The following PMFBP1 variants were observed in gnomAD, a reference collection of about 807,000 sequenced individuals.
PMFBP1 encodes the protein polyamine-modulated factor 1-binding protein 1.
PMFBP1 carries 131 observed loss-of-function variants against 137.8 expected under a neutral mutation model. The observed-to-expected ratio is 0.95, with a 90% CI of 0.82 to 1.10. PMFBP1 has a LOEUF of 1.10. Among genes scored for constraint, PMFBP1 ranks in the 50% least tolerant of loss-of-function variants. The pLI is 0.00. For synonymous variants in PMFBP1, 490 were observed against 450.4 expected (o/e 1.09, Z -1.11); for missense variants, 1,199 against 1,175.4 (o/e 1.02, Z -0.29).
intron 14 of PMFBP1, chr16:72,128,252 C>T: frequency 1.5e-6 from 1 of 657,958 alleles, no homozygotes; most frequent in Non-Finnish European, 2.2e-6. Context: ...CTATTTACTC[C>T]TTTCTGTCAT....
chr16:72,245,802 C>T, the PMFBP1 span, among the ~76,000 whole-genome samples: 4 of 152,114 alleles, frequency 2.6e-5, no homozygotes, highest in South Asian at 8.3e-4. Context: ...CTCTCCTTCA[C>T]TCTCTCTCTC....
At chr16:72,231,882 T>A in the PMFBP1 span, among the ~76,000 whole-genome samples, 2 of 101,834 alleles carry the variant, frequency 2.0e-5, no homozygotes, top group African/African-American at 6.6e-5. Context: ...TGGGAAAAAT[T>A]TTCCTCACAA....
At chr16:72,205,984 A>C in the PMFBP1 span, among the ~76,000 whole-genome samples, 1 of 152,174 alleles carries the variant, frequency 6.6e-6, no homozygotes, top group Non-Finnish European at 1.5e-5. Context: ...GCCAGAAAGA[A>C]ACCTCACTGC....
the PMFBP1 span, among the ~76,000 whole-genome samples, chr16:72,216,784 C>T: frequency 6.6e-6 from 1 of 152,200 alleles, no homozygotes; most frequent in Non-Finnish European, 1.5e-5. Flanking sequence ...AGGATTCCAG[C>T]ATTTGTTAAG....
At chr16:72,163,570 A>C (rs1446166193) in intron 3 of PMFBP1, among the ~76,000 whole-genome samples, 1 of 152,218 alleles carries the variant, frequency 6.6e-6, no homozygotes, top group Non-Finnish European at 1.5e-5. Flanking sequence ...AGGGTCAAGT[A>C]GTAGTTGATG....
At chr16:72,123,400 C>T in intron 18 of PMFBP1, 146 bp downstream of exon 18, 2 of 692,308 alleles carry the variant, frequency 2.9e-6, no homozygotes, top group Non-Finnish European at 4.8e-6. Context: ...TCCTCTCCAT[C>T]TTATTTCCAT....
intron 4 of PMFBP1, among the ~76,000 whole-genome samples, chr16:72,153,215 T>G (rs1444682601): frequency 6.6e-6 from 1 of 152,210 alleles, no homozygotes; most frequent in East Asian, 1.9e-4. Flanking sequence ...TCATAGATTA[T>G]ATTTGTAGGA....
In PMFBP1 at chr16:72,145,288, A is replaced by G. The variant is rs547000253; in HGVS notation, c.637-4706T>C. On this transcript the variant is annotated intron_variant, in intron 5 of 20. Coordinates refer to ENST00000237353, the MANE Select transcript of PMFBP1 (RefSeq NM_031293.3). Reference sequence around the variant, plus strand: ...ACCTGCTCCTGAATGACTACTGGGTAAGTAACGAAATGAAGGCAGAAATAA... The same window carrying G: ...ACCTGCTCCTGAATGACTACTGGGTGAGTAACGAAATGAAGGCAGAAATAA... 5.9e-5 allele frequency among the ~76,000 whole-genome samples: 9 copies of G among 152,332 alleles called. No homozygotes were observed. The East Asian group carries it at 1.5e-3, about 26-fold the overall frequency.
chr16:72,175,583 A>G (rs1021212267), upstream of PMFBP1, among the ~76,000 whole-genome samples: 1 of 152,228 alleles, frequency 6.6e-6, no homozygotes, highest in African/African-American at 2.4e-5. Context: ...ATGGAAGAAT[A>G]TCAAGGGTCT....
intron 6 of PMFBP1, among the ~76,000 whole-genome samples, chr16:72,139,912 C>T (rs1396605226): frequency 6.6e-6 from 1 of 152,126 alleles, no homozygotes; most frequent in Non-Finnish European, 1.5e-5. Context: ...CACTTATTCT[C>T]CCTTCTCTCA....
chr16:72,138,906 A>C (rs1597470297), intron 7 of PMFBP1, among the ~76,000 whole-genome samples: 1 of 128,252 alleles, frequency 7.8e-6, no homozygotes, highest in Non-Finnish European at 1.6e-5. Context: ...GCAAACACAG[A>C]GTTCTCAAAA....
In PMFBP1 at chr16:72,120,071, C is replaced by G. The variant is rs748773087; in HGVS notation, c.2787G>C (p.Met929Ile). Residue 929 changes from methionine (M) to isoleucine (I), a missense_variant, in exon 20 of 21, where the codon ATG becomes ATC. Physicochemically the swap from Met to Ile is conservative, Grantham distance 10 (BLOSUM62 1). Coordinates refer to ENST00000237353, the MANE Select transcript of PMFBP1 (RefSeq NM_031293.3). ...TCTTGTTTTCCTGCTGCAAGTGGAC[C>G]ATTACACTGTGGAGGTGGCTGTGGG... ...SGEKDHLHSV[M>I]VHLQQENKKL... 5 of 1,614,022 alleles carry G rather than the reference C, an allele frequency of 3.1e-6. No homozygotes were observed. The highest frequency in any genetic ancestry group is 2.7e-5 in the African/African-American group (2 of 74,890).
chr16:72,225,712 A>ATTATT, the PMFBP1 span, among the ~76,000 whole-genome samples: 8 of 39,334 alleles, frequency 2.0e-4, no homozygotes, highest in East Asian at 4.0e-4. Context: ...GACTGTTTAT[A>ATTATT]ATAATAATAA....
chr16:72,171,167 C>G (rs973233664), intron 2 of PMFBP1, 30 bp downstream of exon 2: 2 of 1,610,940 alleles, frequency 1.2e-6, no homozygotes, highest in African/African-American at 2.7e-5. Context: ...ATATTCAACT[C>G]CATGCATGTA....
At position 72,136,604 on chromosome 16, in the gene PMFBP1, G is replaced by A. The variant is rs555303145; in HGVS notation, c.1047C>T (p.Asp349=). 6.2e-7 allele frequency: 1 copy of A among 1,614,094 alleles called. No homozygotes were observed. The highest frequency in any genetic ancestry group is 1.1e-5 in the South Asian group (1 of 91,074). The change falls in exon 9 of 21, where the codon GAC becomes GAT. Residue 349 remains aspartate, a splice_region_variant and synonymous_variant. Coordinates refer to ENST00000237353, the MANE Select transcript of PMFBP1 (RefSeq NM_031293.3). The part of the protein sequence containing the change: ...VSEQKRNIMK[D]MMKLELDLHG... ...GCAGGTCCAGCTCCAGCTTCATCAT[G>A]TCTACCATGGGGCGGGACAGAGTCT...
rs1055396011 is a variant in PMFBP1, at chr16:72,164,328, T to G, written c.165+436A>C. ...AAGCTTGCAGGCAGTGAGACGCAGG[T>G]GCAGCAATAAAGACCCCCTGCTACC... On this transcript the variant is annotated intron_variant, in intron 3 of 20. Coordinates refer to ENST00000237353, the MANE Select transcript of PMFBP1 (RefSeq NM_031293.3). 5.7e-6 allele frequency: 6 copies of G among 1,048,172 alleles called. No individual in the cohort carries two copies. In the African/African-American group the frequency reaches 9.9e-5, roughly 17 times the overall value. 64.9% of individuals were successfully genotyped at this position (1,048,172 alleles called of 1,614,324 possible). A position where few individuals can be genotyped will look rare whatever the true frequency, so the allele number is the denominator to read the frequency against.
chr16:72,176,219 G>A (rs2043259092), upstream of PMFBP1, among the ~76,000 whole-genome samples: 1 of 152,206 alleles, frequency 6.6e-6, no homozygotes, highest in East Asian at 1.9e-4. Flanking sequence ...CCAGAAAGAG[G>A]CTTTTGAATG....
chr16:72,146,003 G>C (rs1343221776), intron 5 of PMFBP1, among the ~76,000 whole-genome samples: 1 of 152,186 alleles, frequency 6.6e-6, no homozygotes. Context: ...AATAGAAAAA[G>C]AGGGAATCCT....
the PMFBP1 span, among the ~76,000 whole-genome samples, chr16:72,202,278 C>T: frequency 2.0e-5 from 3 of 152,352 alleles, no homozygotes; most frequent in South Asian, 4.1e-4. Context: ...AGATTAGTCA[C>T]TATCACCTAT....
Sources: allele counts gnomAD v4.1 joint callset (sites outside exome capture counted in the v4.1 genomes callset), GRCh38; gene constraint gnomAD v4.1.1; transcripts MANE v1.5; gene names NCBI Gene and HGNC (gene_info 2026-07-23, HGNC 2026-07-21).